The following PTPN13 variants were observed in gnomAD, a reference collection of about 807,000 sequenced individuals.
PTPN13 encodes the protein protein tyrosine phosphatase non-receptor type 13.
PTPN13 carries 191 observed loss-of-function variants against 284.0 expected under a neutral mutation model. The ratio of observed to expected loss-of-function variants is 0.67; its 90% CI spans 0.60 to 0.76. The LOEUF (loss-of-function observed/expected upper bound fraction) is 0.76, where lower values mean the gene tolerates loss of function less well. PTPN13 is among the 30% of genes least tolerant of loss of function. The probability of loss-of-function intolerance (pLI) is 0.00; values close to 1 mark genes in which losing one functional copy is unlikely to be tolerated. For synonymous variants in PTPN13, 986 were observed against 1,022.3 expected (o/e 0.96, Z 0.68); for missense variants, 2,797 against 2,939.9 (o/e 0.95, Z 1.12).
Position 86,701,232 on chromosome 4 carries a change from T to C in PTPN13, c.635-9T>C. On this transcript the variant is annotated splice_polypyrimidine_tract_variant and intron_variant, in intron 6 of 47. Transcript: ENST00000411767. ...TGTGTGCATACATGATAGATTCTTA[T>C]CATTCCAGGAAGAAGCTCTACTTCT... 1.3e-6 allele frequency: 2 copies of C among 1,530,202 alleles called. No homozygotes were observed. The highest frequency in any genetic ancestry group is 1.3e-5 in the South Asian group (1 of 76,540). 94.8% of individuals were successfully genotyped at this position (1,530,202 alleles called of 1,614,324 possible). A position where few individuals can be genotyped will look rare whatever the true frequency, so the allele number is the denominator to read the frequency against.
At chr4:86,762,151 T>G (rs1356247324) in intron 23 of PTPN13, among the ~76,000 whole-genome samples, 2 of 152,190 alleles carry the variant, frequency 1.3e-5, no homozygotes, top group Admixed American at 1.3e-4. Flanking sequence ...TTTTGTATTT[T>G]TGGTACAGAC....
chr4:86,597,166 C>CA (rs2149136764), intron 1 of PTPN13, among the ~76,000 whole-genome samples: 1 of 141,594 alleles, frequency 7.1e-6, no homozygotes, highest in East Asian at 2.0e-4. Flanking sequence ...GCTGGGCTTC[C>CA]TTTTTTTTTT....
intron 7 of PTPN13, among the ~76,000 whole-genome samples, chr4:86,709,023 C>G (rs1272861219): frequency 6.6e-6 from 1 of 151,850 alleles, no homozygotes; most frequent in Non-Finnish European, 1.5e-5. Flanking sequence ...CTCCCCAGCT[C>G]TGAATTTGTG....
intron 41 of PTPN13, among the ~76,000 whole-genome samples, chr4:86,797,337 T>C (rs890571154): frequency 6.6e-6 from 1 of 151,628 alleles, no homozygotes; most frequent in Non-Finnish European, 1.5e-5. Flanking sequence ...ACTAAAAATA[T>C]AAAAATTAGC....
intron 6 of PTPN13, among the ~76,000 whole-genome samples, chr4:86,695,721 T>C (rs956721216): frequency 6.6e-6 from 1 of 151,966 alleles, no homozygotes; most frequent in Non-Finnish European, 1.5e-5. Context: ...CTCTTTGTTA[T>C]TCTTTCTCTA....
intron 7 of PTPN13, among the ~76,000 whole-genome samples, chr4:86,712,884 A>C (rs1219703411): frequency 1.3e-5 from 2 of 152,128 alleles, no homozygotes; most frequent in African/African-American, 4.8e-5. Context: ...TGAAGAAAAA[A>C]GAAAATAAAA....
intron 6 of PTPN13, among the ~76,000 whole-genome samples, chr4:86,696,158 G>A (rs1247637106): frequency 6.6e-6 from 1 of 151,854 alleles, no homozygotes; most frequent in Non-Finnish European, 1.5e-5. Flanking sequence ...TAGGTTATTT[G>A]TCATTTACAT....
At chr4:86,724,785 T>C (rs573904731) in intron 10 of PTPN13, among the ~76,000 whole-genome samples, 1 of 152,224 alleles carries the variant, frequency 6.6e-6, no homozygotes, top group South Asian at 2.1e-4. Flanking sequence ...CTTTATTATA[T>C]TCTGTGTTTC....
At chr4:86,649,630 CT>C (rs1476414613) in intron 2 of PTPN13, among the ~76,000 whole-genome samples, 1 of 152,074 alleles carries the variant, frequency 6.6e-6, no homozygotes, top group Non-Finnish European at 1.5e-5. Context: ...GTATCTATAG[CT>C]TTGTATTATA....
At chr4:86,779,845 C>T (rs1365770594) in intron 35 of PTPN13, among the ~76,000 whole-genome samples, 1 of 151,990 alleles carries the variant, frequency 6.6e-6, no homozygotes, top group Non-Finnish European at 1.5e-5. Flanking sequence ...TTCTTATAAT[C>T]CTTTGAATAG....
chr4:86,726,797 C>T lies in PTPN13; in HGVS notation c.1608+4363C>T, dbSNP rs184910062. 2.0e-5 allele frequency among the ~76,000 whole-genome samples: 3 copies of T among 148,978 alleles called. 1 individual carries two copies. Among genetic ancestry groups the T allele is most frequent in the African/African-American group, 4.9e-5 (2 of 40,844 alleles). On this transcript the variant is annotated intron_variant, in intron 10 of 47. Coordinates refer to ENST00000411767, the MANE Select transcript of PTPN13 (RefSeq NM_080683.3). ...ACTTCCTCTTTTCCTAATTGAATAC[C>T]CTTTATTTCTTTCTCTTGCCTGATT...
Position 86,701,500 on chromosome 4 carries a change from C to T in PTPN13, c.894C>T (p.Ile298=), listed in dbSNP as rs750764130. The change falls in exon 7 of 48, where the codon ATC becomes ATT. Residue 298 remains isoleucine, a synonymous_variant. Transcript: ENST00000411767. ...PGIDVLSKKK[I]WASSMDLLCT... ...TTGATGTGCTTTCTAAGAAGAAGATCTGGGCTTCATCCATGGACTTGCTTT... is the reference window on the plus strand; with the variant it reads ...TTGATGTGCTTTCTAAGAAGAAGATTTGGGCTTCATCCATGGACTTGCTTT... The T allele has an allele frequency of 2.5e-6, 4 of 1,613,800 alleles. No individual in the cohort carries two copies. In the African/African-American group the frequency reaches 5.3e-5, roughly 22 times the overall value.
At chr4:86,634,173 A>C (rs1185140453) in intron 1 of PTPN13, among the ~76,000 whole-genome samples, 1 of 152,144 alleles carries the variant, frequency 6.6e-6, no homozygotes, top group African/African-American at 2.4e-5. Flanking sequence ...CTTTTATCTA[A>C]AACAGATGTT....
intron 46 of PTPN13, among the ~76,000 whole-genome samples, 178 bp from the exon 47 acceptor site, chr4:86,810,868 C>A (rs548651081): frequency 1.4e-4 from 21 of 152,214 alleles, no homozygotes; most frequent in African/African-American, 4.6e-4. Flanking sequence ...AATAAGAATA[C>A]CAAGTGATGA....
intron 2 of PTPN13, among the ~76,000 whole-genome samples, chr4:86,671,759 C>T (rs111694383): frequency 0.05 from 7,621 of 152,242 alleles, 264 homozygotes; most frequent in African/African-American, 0.073. Flanking sequence ...ATATATACTT[C>T]GACTCAAGAC....
At chr4:86,611,016 T>C (rs1765213913) in intron 1 of PTPN13, among the ~76,000 whole-genome samples, 1 of 152,232 alleles carries the variant, frequency 6.6e-6, no homozygotes, top group African/African-American at 2.4e-5. Context: ...TGTGTAAATA[T>C]ATGACTTGAT....
intron 7 of PTPN13, among the ~76,000 whole-genome samples, chr4:86,704,363 C>T (rs1047786874): frequency 1.3e-5 from 2 of 151,922 alleles, no homozygotes; most frequent in African/African-American, 2.4e-5. Flanking sequence ...TTAATGGAAA[C>T]GTATTTAATC....
chr4:86,735,027 A>G (rs899342090), intron 14 of PTPN13, among the ~76,000 whole-genome samples, 152 bp downstream of exon 14: 2 of 152,132 alleles, frequency 1.3e-5, no homozygotes, highest in Admixed American at 1.3e-4. Context: ...CACTCCATGT[A>G]TATCAATTAT....
At chr4:86,668,292 T>C (rs1307617165) in intron 2 of PTPN13, among the ~76,000 whole-genome samples, 1 of 152,222 alleles carries the variant, frequency 6.6e-6, no homozygotes, top group Non-Finnish European at 1.5e-5. Context: ...TTTTGAAGGA[T>C]TTTAAATACA....
Sources: allele counts gnomAD v4.1 joint callset (sites outside exome capture counted in the v4.1 genomes callset), GRCh38; gene constraint gnomAD v4.1.1; transcripts MANE v1.5; gene names NCBI Gene and HGNC (gene_info 2026-07-23, HGNC 2026-07-21).